TMEM68: variants seen among roughly 807,000 people sequenced by gnomAD.
TMEM68 encodes the protein transmembrane protein 68, also known as DGAT1/2-independent enzyme synthesizing storage lipids.
Under a neutral mutation model 36.9 loss-of-function variants are expected in TMEM68, and 25 were observed. The ratio of observed to expected loss-of-function variants is 0.68; its 90% confidence interval spans 0.49 to 0.95. The LOEUF is 0.95. Ranked by LOEUF, TMEM68 falls within the 40% of genes least tolerant of loss-of-function variation. The probability of loss-of-function intolerance (pLI) is 0.00; values close to 1 mark genes in which losing one functional copy is unlikely to be tolerated. For missense variants in TMEM68, 333 were observed against 392.0 expected (o/e 0.85, Z 1.27); for synonymous variants, 131 against 124.4 (o/e 1.05, Z -0.35).
intron 1 of TMEM68, among the ~76,000 whole-genome samples, chr8:55,769,018 T>TTAAAAAAAAAAAAAAAAAAAAAAAAAAA: frequency 3.7e-5 from 3 of 82,092 alleles, no homozygotes; most frequent in East Asian, 3.5e-4. Context: ...ACTCTGTCTT[T>TTAAAAAAAAAAAAAAAAAAAAAAAAAAA]AAAAAAAAAA....
chr8:55,739,688 C>T lies in TMEM68; in HGVS notation c.*444G>A, dbSNP rs1380624965. ...GCACAAAAACATTACGTGACTTGCCCAAGGTCATGAAGGGAATGAGGGGCA... is the reference window on the plus strand; with the variant it reads ...GCACAAAAACATTACGTGACTTGCCTAAGGTCATGAAGGGAATGAGGGGCA... On this transcript the variant is annotated 3_prime_UTR_variant, in exon 8 of 8. Coordinates refer to ENST00000434581, the MANE Select transcript of TMEM68 (RefSeq NM_001286657.2). 6.5e-6 allele frequency: 1 copy of T among 152,754 alleles called. No individual in the cohort carries two copies. Among genetic ancestry groups the T allele is most frequent in the Admixed American group, 6.5e-5 (1 of 15,268 alleles). The allele number at this position is 152,754 out of a possible 1,614,324, so 9.5% of individuals were successfully genotyped here.
chr8:55,772,099 G>A (rs1811191624), intron 1 of TMEM68, among the ~76,000 whole-genome samples: 1 of 152,140 alleles, frequency 6.6e-6, no homozygotes, highest in Non-Finnish European at 1.5e-5. Context: ...TGGTATATCT[G>A]TAACCGTGCA....
chr8:55,763,711 A>C, intron 2 of TMEM68: 1 of 70,150 alleles, frequency 1.4e-5, no homozygotes, highest in Non-Finnish European at 3.3e-5. Context: ...TCTGCACAAA[A>C]GAAAACATCA....
chr8:55,751,600 TC>T, intron 4 of TMEM68: 1 of 374,490 alleles, frequency 2.7e-6, no homozygotes, highest in South Asian at 2.0e-5. Flanking sequence ...GCTTAGCTCT[TC>T]CAAAACTGGC....
At chr8:55,771,413 G>A (rs1211692204) in intron 1 of TMEM68, among the ~76,000 whole-genome samples, 1 of 149,378 alleles carries the variant, frequency 6.7e-6, no homozygotes, top group Non-Finnish European at 1.5e-5. Flanking sequence ...ACCAGTCTGG[G>A]CAATATGGCA....
intron 4 of TMEM68, among the ~76,000 whole-genome samples, chr8:55,753,665 T>C (rs1810485071): frequency 6.6e-6 from 1 of 152,216 alleles, no homozygotes; most frequent in Non-Finnish European, 1.5e-5. Flanking sequence ...CCAGAGAACA[T>C]ACTAACAACT....
intron 1 of TMEM68, among the ~76,000 whole-genome samples, chr8:55,769,018 T>TTAAAAAAGAAAAAAAAA (rs1554556017): frequency 1.2e-5 from 1 of 82,094 alleles, no homozygotes; most frequent in Non-Finnish European, 2.4e-5. Context: ...ACTCTGTCTT[T>TTAAAAAAGAAAAAAAAA]AAAAAAAAAA....
intron 6 of TMEM68, among the ~76,000 whole-genome samples, chr8:55,744,692 TATC>T (rs1446478153): frequency 1.3e-5 from 2 of 152,202 alleles, no homozygotes; most frequent in Non-Finnish European, 2.9e-5. Flanking sequence ...CTTAGTTCAA[TATC>T]ATATTTTCAT....
intron 6 of TMEM68, 79 bp from the exon 7 acceptor site, chr8:55,743,699 T>C (rs1810175268): frequency 7.5e-7 from 1 of 1,339,048 alleles, no homozygotes; most frequent in Non-Finnish European, 9.9e-7. Flanking sequence ...ATTAATTATG[T>C]AGGACTTACA....
At chr8:55,758,005 T>C (rs1810658859) in intron 3 of TMEM68, among the ~76,000 whole-genome samples, 1 of 152,136 alleles carries the variant, frequency 6.6e-6, no homozygotes, top group African/African-American at 2.4e-5. Context: ...GGCAGGGGCA[T>C]GAACAAGGGG....
intron 1 of TMEM68, among the ~76,000 whole-genome samples, chr8:55,772,733 T>C (rs942406454): frequency 1.2e-4 from 19 of 152,328 alleles, no homozygotes; most frequent in Admixed American, 3.9e-4. Flanking sequence ...AAAGGTGAAG[T>C]TGCCTGCCCA....
chr8:55,766,125 G>C (rs1034079238), intron 1 of TMEM68, among the ~76,000 whole-genome samples: 2 of 152,164 alleles, frequency 1.3e-5, no homozygotes, highest in East Asian at 1.9e-4. Context: ...AGGCACGGGA[G>C]TAGGGGAAAG....
chr8:55,756,875 C>T (rs1048934941), intron 3 of TMEM68, among the ~76,000 whole-genome samples: 15 of 152,058 alleles, frequency 9.9e-5, no homozygotes, highest in Non-Finnish European at 2.1e-4. Context: ...GGCCAGAGCC[C>T]GAGACAGGTG....
chr8:55,757,767 G>C (rs150783704), intron 3 of TMEM68, among the ~76,000 whole-genome samples: 1 of 152,228 alleles, frequency 6.6e-6, no homozygotes, highest in East Asian at 1.9e-4. Flanking sequence ...GCGGGGGTGG[G>C]TGGCAGGAAA....
Position 55,756,317 on chromosome 8 carries a change from G to T in TMEM68, c.420C>A (p.Phe140Leu). 6.2e-7 allele frequency: 1 copy of T among 1,605,822 alleles called. No homozygotes were observed. Among genetic ancestry groups the T allele is most frequent in the Non-Finnish European group, 8.5e-7 (1 of 1,177,316 alleles). The stretch of plus-strand genomic sequence containing the variant: ...CTTTGTGTATAAATATTTTAGCCAT[G>T]AAATAGTAAAAATCTATAGGAATAG... Reference protein sequence around the residue: ...HGAIPIDFYYFMAKIFIHKGR... With the variant: ...HGAIPIDFYYLMAKIFIHKGR... Residue 140 changes from phenylalanine (F) to leucine (L), a missense_variant, in exon 4 of 8, where the codon TTC (phenylalanine) becomes TTA (leucine). Phe to Leu is a conservative substitution (Grantham distance 22). Coordinates refer to ENST00000434581, the MANE Select transcript of TMEM68 (RefSeq NM_001286657.2).
At chr8:55,770,935 C>T (rs1376022167) in intron 1 of TMEM68, among the ~76,000 whole-genome samples, 1 of 152,072 alleles carries the variant, frequency 6.6e-6, no homozygotes, top group African/African-American at 2.4e-5. Context: ...GCAGGAGGAT[C>T]ACCTGAGGTC....
intron 3 of TMEM68, among the ~76,000 whole-genome samples, chr8:55,758,911 T>A (rs573529959): frequency 6.6e-6 from 1 of 152,102 alleles, no homozygotes; most frequent in Non-Finnish European, 1.5e-5. Context: ...TATAAAAAAA[T>A]AGAGTCAAAT....
intron 1 of TMEM68, among the ~76,000 whole-genome samples, chr8:55,764,546 A>G (rs1563438536): frequency 6.6e-6 from 1 of 152,248 alleles, no homozygotes; most frequent in South Asian, 2.1e-4. Context: ...AGATGTACAT[A>G]TAAGAAAAAT....
At chr8:55,755,520 C>A (rs1373286602) in intron 4 of TMEM68, among the ~76,000 whole-genome samples, 2 of 151,916 alleles carry the variant, frequency 1.3e-5, no homozygotes, top group East Asian at 1.9e-4. Flanking sequence ...GATTTGCCCA[C>A]CTCGTCCTCC....
Sources: allele counts gnomAD v4.1 joint callset (sites outside exome capture counted in the v4.1 genomes callset), GRCh38; gene constraint gnomAD v4.1.1; transcripts MANE v1.5; gene names NCBI Gene and HGNC (gene_info 2026-07-23, HGNC 2026-07-21).